PCDHGA6: variants seen among roughly 807,000 people sequenced by gnomAD.
PCDHGA6 encodes protocadherin gamma-A6.
Under a neutral mutation model 60.6 loss-of-function variants are expected in PCDHGA6, and 41 were observed. The ratio of observed to expected loss-of-function variants is 0.68; its 90% CI spans 0.53 to 0.88. The LOEUF is 0.88. PCDHGA6 is among the 40% of genes least tolerant of loss of function. PCDHGA6 has a pLI of 0.00. For synonymous variants in PCDHGA6, 594 were observed against 524.4 expected, an observed-to-expected ratio of 1.13 and a Z score of -1.81; for missense variants, 1,312 against 1,203.0, an observed-to-expected ratio of 1.09 and a Z score of -1.34.
At chr5:141,427,694 A>G in intron 1 of PCDHGA6, 2 of 913,934 alleles carry the variant, frequency 2.2e-6, no homozygotes, top group South Asian at 1.4e-5. Flanking sequence ...CCTCCATCCC[A>G]CAAGTCAGCG....
intron 2 of PCDHGA6, among the ~76,000 whole-genome samples, chr5:141,500,906 G>C (rs1333707004): frequency 6.7e-6 from 1 of 149,672 alleles, no homozygotes; most frequent in African/African-American, 2.5e-5. Flanking sequence ...GTCTCGCTCT[G>C]TCTCCAGGCT....
rs776990176 is a variant in PCDHGA6 at position 141,485,136 on chromosome 5, C to A, written c.2425-9671C>A. ...GTTTGGGGCGGGTCGGCTTCATCCG[C>A]GTCTCAGGAGCAAGTAGAGAATTAG... On this transcript the variant is annotated intron_variant, in intron 1 of 3. Transcript: ENST00000517434. The surrounding 1 kb of genome is among the most constrained non-coding windows in gnomAD (Gnocchi z 5.7). The A allele has an allele frequency of 4.0e-6, 6 of 1,502,706 alleles. No individual in the cohort carries two copies. The South Asian group carries it at 5.9e-5, about 15-fold the overall frequency. The allele number at this position is 1,502,706 out of a possible 1,614,324, so 93.1% of individuals were successfully genotyped here.
rs766474451 is a variant in PCDHGA6 at position 141,477,676 on chromosome 5, AT to A, written c.2425-17130del. On this transcript the variant is annotated intron_variant, in intron 1 of 3. Coordinates refer to ENST00000517434, the MANE Select transcript of PCDHGA6 (RefSeq NM_018919.3). This position sits in a 1 kb window ranked among gnomAD's most constrained non-coding sequence, Gnocchi z 4.9. ...TAAATCGTGACAATGGCATAGTGTCATCCTTAGTGCCCCTAGACTATGAGGA... is the reference window on the plus strand; with the variant it reads ...TAAATCGTGACAATGGCATAGTGTCACCTTAGTGCCCCTAGACTATGAGGA... 6.2e-7 allele frequency: 1 copy of A among 1,614,194 alleles called. No homozygotes were observed. The highest frequency in any genetic ancestry group is 2.2e-5 in the East Asian group (1 of 44,886).
intron 1 of PCDHGA6, chr5:141,395,296 ATG>A: frequency 6.6e-7 from 1 of 1,524,308 alleles, no homozygotes. Flanking sequence ...GGCATAAATT[ATG>A]TTTTGAAAAA....
intron 1 of PCDHGA6, chr5:141,404,291 G>A (rs755978034): frequency 6.2e-7 from 1 of 1,613,956 alleles, no homozygotes; most frequent in Non-Finnish European, 8.5e-7. Context: ...TGACATCAAT[G>A]ATAATCCACC....
In PCDHGA6 at chr5:141,512,859, CAT is replaced by C. The variant is rs1474518602; in HGVS notation, c.*1688_*1689del. 6.6e-6 allele frequency: 1 copy of C among 152,296 alleles called. No homozygotes were observed. The highest frequency in any genetic ancestry group is 1.9e-4 in the East Asian group (1 of 5,200). The allele number at this position is 152,296 out of a possible 1,614,324, so 9.4% of individuals were successfully genotyped here. A position where few individuals can be genotyped will look rare whatever the true frequency, so the allele number is the denominator to read the frequency against. On this transcript the variant is annotated 3_prime_UTR_variant, in exon 4 of 4. Transcript: ENST00000517434. ...CTTCTCCTATAAGCGCTTCTCTTCG[CAT>C]AGTCACGTAGCTCCCACCCCACCCT... is the stretch of plus-strand genomic sequence containing the variant.
chr5:141,477,582 A>G lies in PCDHGA6; in HGVS notation c.2425-17225A>G. On this transcript the variant is annotated intron_variant, in intron 1 of 3. Transcript: ENST00000517434. This position sits in a 1 kb window ranked among gnomAD's most constrained non-coding sequence, Gnocchi z 4.9. Reference sequence around the variant, plus strand: ...GTCTGGGACCCCGACGCCCCGCAGAATGCTCGGCTTTCTTTCTTTCTCTTG... The same window carrying G: ...GTCTGGGACCCCGACGCCCCGCAGAGTGCTCGGCTTTCTTTCTTTCTCTTG... The G allele has an allele frequency of 6.2e-7, 1 of 1,614,190 alleles. No homozygotes were observed.
intron 1 of PCDHGA6, chr5:141,403,407 A>T (rs2094404225): frequency 6.2e-7 from 1 of 1,613,940 alleles, no homozygotes. Context: ...GGAGCACGTT[A>T]TCCACTTCCA....
At chr5:141,422,515 AGCCCGC>A in intron 1 of PCDHGA6, 1 of 1,614,044 alleles carries the variant, frequency 6.2e-7, no homozygotes, top group Non-Finnish European at 8.5e-7. Flanking sequence ...AGACCAGGGA[AGCCCGC>A]CTTTGTCTGC....
rs1368760534 is a variant in PCDHGA6, at chr5:141,375,216, T to A, written c.1133T>A (p.Leu378Gln). The change falls in exon 1 of 4, where the codon CTG becomes CAG. Residue 378 changes from leucine to glutamine, a missense_variant. Physicochemically the swap from Leu to Gln is moderately radical, Grantham distance 113. Coordinates refer to ENST00000517434, the MANE Select transcript of PCDHGA6 (RefSeq NM_018919.3). ...LFQVFDRDSG[L>Q]NGLVTCSIPR... ...CAAGTGTTCGATCGAGACTCTGGCC[T>A]GAATGGCCTGGTAACCTGTTCCATC... The A allele has an allele frequency of 6.2e-7, 1 of 1,614,014 alleles. No homozygotes were observed. Among genetic ancestry groups the A allele is most frequent in the Admixed American group, 1.7e-5 (1 of 60,034 alleles).
At chr5:141,494,075 C>T (rs1482844644) in intron 1 of PCDHGA6, among the ~76,000 whole-genome samples, 7 of 152,322 alleles carry the variant, frequency 4.6e-5, no homozygotes, top group East Asian at 1.9e-4. Context: ...GATCCCTCCC[C>T]GCTGCATCCC....
At chr5:141,421,169 T>G in intron 1 of PCDHGA6, 2 of 1,340,600 alleles carry the variant, frequency 1.5e-6, no homozygotes, top group South Asian at 1.5e-5. Flanking sequence ...CATAGATACA[T>G]AAGCCGATTC....
At chr5:141,388,460 T>G in intron 1 of PCDHGA6, 1 of 1,613,854 alleles carries the variant, frequency 6.2e-7, no homozygotes. Flanking sequence ...GTAAATACCC[T>G]GAGATGGTAT....
chr5:141,470,794 C>T (rs1332287628), intron 1 of PCDHGA6, among the ~76,000 whole-genome samples: 1 of 152,162 alleles, frequency 6.6e-6, no homozygotes, highest in African/African-American at 2.4e-5. Flanking sequence ...CTCAAGCAAT[C>T]CTCCCACTTC....
At chr5:141,405,206 A>G in intron 1 of PCDHGA6, 1 of 1,613,648 alleles carries the variant, frequency 6.2e-7, no homozygotes, top group Non-Finnish European at 8.5e-7. Flanking sequence ...TTTCCTACAG[A>G]CCTATTCTCA....
intron 1 of PCDHGA6, chr5:141,398,136 C>G: frequency 6.4e-7 from 1 of 1,556,004 alleles, no homozygotes; most frequent in Non-Finnish European, 8.6e-7. Flanking sequence ...GGATGGGGAG[C>G]GGCGCCGGGG....
chr5:141,408,131 G>C, intron 1 of PCDHGA6: 1 of 1,482,338 alleles, frequency 6.7e-7, no homozygotes, highest in South Asian at 1.4e-5. Flanking sequence ...TGGGCCGAAT[G>C]CTCTTTTAGC....
rs151297289 is a variant in PCDHGA6, at chr5:141,381,401, A to G, written c.2424+4894A>G. Among the ~76,000 whole-genome samples the G allele has an allele frequency of 6.6e-4, 101 of 152,344 alleles. 2 individuals are homozygous for G. The highest frequency in any genetic ancestry group is 2.3e-3 in the African/African-American group (97 of 41,586). On this transcript the variant is annotated intron_variant, in intron 1 of 3. Transcript: ENST00000517434. ...TCAATAATTTAGTTTTACTCTATCA[A>G]CATCAGTGGAGAGACGAGTACCTCT...
chr5:141,461,072 A>G (rs555905734), intron 1 of PCDHGA6, among the ~76,000 whole-genome samples: 2 of 151,574 alleles, frequency 1.3e-5, no homozygotes, highest in Non-Finnish European at 2.9e-5. Flanking sequence ...ACATTTTTGC[A>G]ATTGTGAATT....
Sources: gnomAD v4.1 joint callset for allele counts (sites outside exome capture counted in the v4.1 genomes callset) on GRCh38, gnomAD v4.1.1 for gene constraint, Gnocchi (gnomAD v3.1) non-coding constraint, MANE v1.5 for transcripts, NCBI Gene and HGNC (gene_info 2026-07-23, HGNC 2026-07-21) for gene names.